ATP8A2: variants seen among roughly 807,000 people sequenced by gnomAD.
ATP8A2 encodes phospholipid-transporting ATPase IB.
Under a neutral mutation model 165.6 loss-of-function variants are expected in ATP8A2, and 100 were observed. The observed-to-expected ratio is 0.60, with a 90% CI of 0.51 to 0.71. The LOEUF (loss-of-function observed/expected upper bound fraction) is 0.71. ATP8A2 is among the 30% of genes least tolerant of loss of function. The pLI is 0.00. For synonymous variants in ATP8A2, 543 were observed against 548.8 expected (o/e 0.99, Z 0.15); for missense variants, 1,227 against 1,479.5 (o/e 0.83, Z 2.80).
At chr13:25,573,878 G>A (rs368269664) in intron 18 of ATP8A2, among the ~76,000 whole-genome samples, 2 of 152,228 alleles carry the variant, frequency 1.3e-5, no homozygotes, top group Non-Finnish European at 2.9e-5. Context: ...AAGAGAAGGA[G>A]TGGAGAGTTG....
intron 27 of ATP8A2, among the ~76,000 whole-genome samples, chr13:25,810,755 AAG>A (rs1353184208): frequency 6.6e-6 from 1 of 152,068 alleles, no homozygotes; most frequent in African/African-American, 2.4e-5. Context: ...GGTGTGGAGA[AAG>A]AGAGAGAGGG....
chr13:25,859,713 C>A (rs984791473), intron 30 of ATP8A2, among the ~76,000 whole-genome samples: 7 of 152,046 alleles, frequency 4.6e-5, no homozygotes, highest in African/African-American at 1.7e-4. Flanking sequence ...TAATAAATAC[C>A]CCCAAAATTC....
At chr13:25,686,206 A>T (rs542399177) in intron 24 of ATP8A2, among the ~76,000 whole-genome samples, 1 of 152,258 alleles carries the variant, frequency 6.6e-6, no homozygotes, top group East Asian at 1.9e-4. Context: ...TATATTTGGG[A>T]TGCCTGATTG....
chr13:25,456,380 A>G lies in ATP8A2; in HGVS notation c.77-12597A>G, dbSNP rs188389585. On this transcript the variant is annotated intron_variant, in intron 1 of 36. Coordinates refer to ENST00000381655, the MANE Select transcript of ATP8A2 (RefSeq NM_016529.6). ...CATCTTGTTAACTGGGAAGGCAGAC[A>G]CATAAGCAGAATAATTCTAATGTGG... 1.3e-3 allele frequency among the ~76,000 whole-genome samples: 205 copies of G among 152,356 alleles called. 1 individual carries two copies. The highest frequency in any genetic ancestry group is 1.9e-3 in the Admixed American group (29 of 15,306).
intron 1 of ATP8A2, among the ~76,000 whole-genome samples, chr13:25,393,522 T>C (rs1224566045): frequency 6.6e-6 from 1 of 152,178 alleles, no homozygotes; most frequent in Non-Finnish European, 1.5e-5. Context: ...TTCAAGTGAC[T>C]CTCCTGCCTC....
chr13:25,960,755 A>C (rs1004707867), intron 33 of ATP8A2, among the ~76,000 whole-genome samples: 1 of 151,972 alleles, frequency 6.6e-6, no homozygotes. Context: ...AACTCACCTA[A>C]CATCTAACTT....
At chr13:25,475,676 GTATGT>G (rs1184765450) in intron 2 of ATP8A2, among the ~76,000 whole-genome samples, 1 of 152,242 alleles carries the variant, frequency 6.6e-6, no homozygotes, top group East Asian at 1.9e-4. Context: ...CCTCACCAGC[GTATGT>G]TATATTTTGG....
At chr13:25,632,062 C>A (rs1296417185) in intron 24 of ATP8A2, among the ~76,000 whole-genome samples, 1 of 152,032 alleles carries the variant, frequency 6.6e-6, no homozygotes, top group African/African-American at 2.4e-5. Context: ...TAGAGTAGCT[C>A]ACAAAACTCA....
At chr13:25,948,965 C>T (rs1418122208) in intron 33 of ATP8A2, among the ~76,000 whole-genome samples, 1 of 152,226 alleles carries the variant, frequency 6.6e-6, no homozygotes, top group Non-Finnish European at 1.5e-5. Context: ...CTTGGCCTTG[C>T]AAGAAACACT....
At chr13:25,634,020 C>T (rs1291128369) in intron 24 of ATP8A2, among the ~76,000 whole-genome samples, 1 of 151,144 alleles carries the variant, frequency 6.6e-6, no homozygotes, top group Non-Finnish European at 1.5e-5. Context: ...GCTTCACAAA[C>T]ATTCTTTTGT....
At chr13:25,475,749 G>A (rs1035943271) in intron 2 of ATP8A2, among the ~76,000 whole-genome samples, 2 of 152,014 alleles carry the variant, frequency 1.3e-5, no homozygotes, top group African/African-American at 2.4e-5. Flanking sequence ...TTTGATTTGC[G>A]TTTCTCTAAT....
chr13:25,463,318 C>A (rs2035554629), intron 1 of ATP8A2, among the ~76,000 whole-genome samples: 1 of 151,886 alleles, frequency 6.6e-6, no homozygotes, highest in African/African-American at 2.4e-5. Context: ...TATGCTAACT[C>A]TTCTTTCATG....
chr13:25,507,034 C>CTATA (rs1381510399), intron 2 of ATP8A2, among the ~76,000 whole-genome samples: 8 of 149,992 alleles, frequency 5.3e-5, no homozygotes, highest in Non-Finnish European at 1.2e-4. Flanking sequence ...CTGTGTATCT[C>CTATA]TATATAAATT....
intron 1 of ATP8A2, among the ~76,000 whole-genome samples, chr13:25,375,978 C>T (rs1191487736): frequency 2.0e-5 from 3 of 152,126 alleles, no homozygotes; most frequent in Admixed American, 6.5e-5. Context: ...TGTGTGTTTT[C>T]TGTTTTTGCC....
At chr13:25,684,012 A>G (rs2042548813) in intron 24 of ATP8A2, among the ~76,000 whole-genome samples, 1 of 152,202 alleles carries the variant, frequency 6.6e-6, no homozygotes, top group Non-Finnish European at 1.5e-5. Flanking sequence ...TGTTTCTCCA[A>G]CTGTCTTAAG....
intron 24 of ATP8A2, among the ~76,000 whole-genome samples, chr13:25,642,805 G>T (rs2041564962): frequency 6.6e-6 from 1 of 152,100 alleles, no homozygotes; most frequent in African/African-American, 2.4e-5. Context: ...AAATATTTGG[G>T]ACCAATCAAA....
At chr13:25,383,953 T>C (rs2032946474) in intron 1 of ATP8A2, among the ~76,000 whole-genome samples, 1 of 152,236 alleles carries the variant, frequency 6.6e-6, no homozygotes, top group African/African-American at 2.4e-5. Flanking sequence ...TCAGCTGTGC[T>C]TCCTTGGGTT....
At chr13:25,671,095 T>G (rs2042253565) in intron 24 of ATP8A2, among the ~76,000 whole-genome samples, 1 of 152,232 alleles carries the variant, frequency 6.6e-6, no homozygotes, top group African/African-American at 2.4e-5. Flanking sequence ...GGACATTTAT[T>G]AGTTCCCCAA....
intron 34 of ATP8A2, among the ~76,000 whole-genome samples, chr13:25,963,770 A>G (rs909626508): frequency 3.9e-5 from 6 of 152,172 alleles, no homozygotes; most frequent in African/African-American, 1.4e-4. Context: ...TTCTTTGTCC[A>G]TTTTCTGGCT....
Sources: allele counts gnomAD v4.1 joint callset (sites outside exome capture counted in the v4.1 genomes callset), GRCh38; gene constraint gnomAD v4.1.1; transcripts MANE v1.5; gene names NCBI Gene and HGNC (gene_info 2026-07-23, HGNC 2026-07-21).